The following DCAF4 variants were observed in gnomAD, a reference collection of about 807,000 sequenced individuals.
The protein encoded by DCAF4 is DDB1- and CUL4-associated factor 4.
DCAF4 carries 37 observed loss-of-function variants against 60.9 expected under a neutral mutation model. That is an observed-to-expected ratio of 0.61 (90% CI 0.47 to 0.80). The LOEUF is 0.80. Among genes scored for constraint, DCAF4 ranks in the 30% least tolerant of loss-of-function variants. The pLI, the probability that DCAF4 is intolerant of heterozygous loss-of-function variation, is 0.00. For missense variants in DCAF4, 577 were observed against 650.0 expected (o/e 0.89, Z 1.22); for synonymous variants, 243 against 254.8 (o/e 0.95, Z 0.44).
At chr14:72,929,703 C>G (rs1888264743) in intron 1 of DCAF4, 1 of 1,282,724 alleles carries the variant, frequency 7.8e-7, no homozygotes. Flanking sequence ...CGTCCCCACC[C>G]TTTTCTTGAT....
chr14:72,940,595 T>G (rs1427227829), intron 4 of DCAF4: 26 of 446,098 alleles, frequency 5.8e-5, no homozygotes, highest in African/African-American at 4.9e-4. Context: ...TAAGTTGTTT[T>G]TTTTTTTTTT....
intron 1 of DCAF4, among the ~76,000 whole-genome samples, chr14:72,935,643 G>A (rs7155130): frequency 0.73 from 110,581 of 152,166 alleles, 40,538 homozygotes; most frequent in Non-Finnish European, 0.77. Flanking sequence ...TATGAGTTAG[G>A]GGTGAACACA....
Position 72,956,623 on chromosome 14 carries a change from G to C in DCAF4, c.1294+123G>C, listed in dbSNP as rs974489720. On this transcript the variant is annotated intron_variant, in intron 13 of 13. Transcript: ENST00000358377. ...ACAGAACTGAATCAAGGGGAGTGTG[G>C]ACAGCTGGGTGGGGAGACTAGGAGG... 1.1e-5 allele frequency: 10 copies of C among 888,650 alleles called. No individual in the cohort carries two copies. The African/African-American group carries it at 1.5e-4, about 13-fold the overall frequency. 55.0% of individuals were successfully genotyped at this position (888,650 alleles called of 1,614,324 possible). A position where few individuals can be genotyped will look rare whatever the true frequency, so the allele number is the denominator to read the frequency against.
chr14:72,946,436 A>T (rs181694733), intron 7 of DCAF4, among the ~76,000 whole-genome samples: 1 of 152,246 alleles, frequency 6.6e-6, no homozygotes, highest in African/African-American at 2.4e-5. Context: ...CTGAGAACCC[A>T]TAGGGAAAGA....
At chr14:72,936,476 AT>A (rs1456216021) in intron 1 of DCAF4, among the ~76,000 whole-genome samples, 1 of 151,656 alleles carries the variant, frequency 6.6e-6, no homozygotes, top group Non-Finnish European at 1.5e-5. Context: ...AGGCAGGAGA[AT>A]CGCTTGAACC....
At chr14:72,953,881 C>A (rs376261628) in intron 9 of DCAF4, among the ~76,000 whole-genome samples, 1 of 145,820 alleles carries the variant, frequency 6.9e-6, no homozygotes, top group African/African-American at 2.6e-5. Context: ...GATCGAGGAT[C>A]GGAGCCACCT....
chr14:72,940,582 C>A, intron 4 of DCAF4: 4 of 383,778 alleles, frequency 1.0e-5, no homozygotes, highest in Non-Finnish European at 9.1e-6. Context: ...TTTTCTTGTT[C>A]GATAAGTTGT....
intron 1 of DCAF4, chr14:72,929,726 C>G (rs370730294): frequency 9.3e-5 from 110 of 1,182,736 alleles, no homozygotes; most frequent in Non-Finnish European, 9.2e-5. Flanking sequence ...ACTTGAGGGC[C>G]CATTTCTCCT....
chr14:72,950,892 AC>A (rs1305115558), intron 8 of DCAF4, among the ~76,000 whole-genome samples: 1 of 152,306 alleles, frequency 6.6e-6, no homozygotes, highest in Middle Eastern at 3.4e-3. Context: ...AGAAGAACTT[AC>A]ACCAATTTGA....
chr14:72,929,817 C>T (rs1888288533), intron 1 of DCAF4: 2 of 1,209,752 alleles, frequency 1.7e-6, no homozygotes, highest in Admixed American at 1.7e-5. Context: ...CCGCTACAAA[C>T]TTGGTGCGTT....
In DCAF4 at chr14:72,939,802, G is replaced by A. The variant is rs1238765332; in HGVS notation, c.93G>A (p.Arg31=). ...PWFRLRDSED[R]SDSRAAQPAH... ...AGTTAACACAGCTGTGTGTCAACAG[G>A]TCTGACTCCCGGGCAGCACAGCCCG... The change falls in exon 3 of 14, where the codon AGG becomes AGA. Residue 31 remains arginine (R), a splice_region_variant and synonymous_variant. Transcript: ENST00000358377. 9 of 1,610,626 alleles carry A rather than the reference G, an allele frequency of 5.6e-6. No homozygotes were observed. Among genetic ancestry groups the A allele is most frequent in the East Asian group, 4.5e-5 (2 of 44,762 alleles).
downstream of DCAF4, chr14:72,960,651 C>T: frequency 9.4e-7 from 1 of 1,064,322 alleles, no homozygotes; most frequent in Non-Finnish European, 1.2e-6. Context: ...TCCTCCACAT[C>T]TTCAGGAAAG....
intron 1 of DCAF4, among the ~76,000 whole-genome samples, chr14:72,934,650 A>C (rs1252880265): frequency 6.6e-6 from 1 of 152,138 alleles, no homozygotes; most frequent in Non-Finnish European, 1.5e-5. Flanking sequence ...CAGCCCAGGC[A>C]TGTGGAGCAG....
intron 1 of DCAF4, among the ~76,000 whole-genome samples, chr14:72,935,472 C>G (rs932992145): frequency 6.6e-6 from 1 of 152,230 alleles, no homozygotes; most frequent in Non-Finnish European, 1.5e-5. Context: ...CCAGGCTGAT[C>G]TCAAACTCCT....
intron 8 of DCAF4, among the ~76,000 whole-genome samples, chr14:72,950,596 C>T (rs1285991108): frequency 2.0e-5 from 3 of 152,042 alleles, no homozygotes; most frequent in African/African-American, 7.2e-5. Flanking sequence ...GGAGAGGAAC[C>T]GCGTCAGTCA....
chr14:72,943,176 A>T, intron 6 of DCAF4, 80 bp downstream of exon 6: 2 of 1,337,778 alleles, frequency 1.5e-6, no homozygotes, highest in South Asian at 2.5e-5. Flanking sequence ...CCAGTCATCA[A>T]ACCTGGCTCT....
rs71109770 is a variant in DCAF4 at position 72,955,914 on chromosome 14, C to CTTTTTT, written c.1179+239_1179+244dup. On this transcript the variant is annotated intron_variant, in intron 12 of 13. Coordinates refer to ENST00000358377, the MANE Select transcript of DCAF4 (RefSeq NM_015604.4). ...GTGAAAAGGATTCTCTGGTTATGTC[C>CTTTTTT]TTTTTTTTTTTTTTTTTTTTTTTTT... Among the ~76,000 whole-genome samples the CTTTTTT allele has an allele frequency of 3.5e-4, 19 of 54,768 alleles. 1 individual carries two copies. Among genetic ancestry groups the CTTTTTT allele is most frequent in the Admixed American group, 1.7e-3 (6 of 3,608 alleles). 35.9% of individuals were successfully genotyped at this position (54,768 alleles called of 152,430 possible).
chr14:72,937,670 C>T (rs1417174412), intron 1 of DCAF4, among the ~76,000 whole-genome samples: 6 of 152,222 alleles, frequency 3.9e-5, no homozygotes, highest in Non-Finnish European at 5.9e-5. Flanking sequence ...CCGCCTGCCT[C>T]GGCCTCCCAA....
chr14:72,933,924 G>A (rs1328864017), intron 1 of DCAF4, among the ~76,000 whole-genome samples: 1 of 152,178 alleles, frequency 6.6e-6, no homozygotes, highest in Non-Finnish European at 1.5e-5. Context: ...GTGTAAGCGA[G>A]TTCATCTCAC....
Sources: gnomAD v4.1 joint callset for allele counts (sites outside exome capture counted in the v4.1 genomes callset) on GRCh38, gnomAD v4.1.1 for gene constraint, MANE v1.5 for transcripts, NCBI Gene and HGNC (gene_info 2026-07-23, HGNC 2026-07-21) for gene names.